POU5F1: variants seen among roughly 807,000 people sequenced by gnomAD.
The protein encoded by POU5F1 is POU class 5 homeobox 1.
A neutral mutation model predicts 38.3 loss-of-function variants in POU5F1; 6 were observed. The observed-to-expected ratio is 0.16, with a 90% CI of 0.09 to 0.31. POU5F1 has a LOEUF of 0.31. Among genes scored for constraint, POU5F1 ranks in the 10% least tolerant of loss-of-function variants. POU5F1 has a pLI of 1.00. For missense variants in POU5F1, 286 were observed against 462.6 expected, an observed-to-expected ratio of 0.62 and a Z score of 3.50; for synonymous variants, 147 against 194.9, an observed-to-expected ratio of 0.75 and a Z score of 2.05.
chr6:31,169,080 G>A (rs754083623), intron 1 of POU5F1, among the ~76,000 whole-genome samples: 2 of 152,098 alleles, frequency 1.3e-5, no homozygotes, highest in Non-Finnish European at 2.9e-5. Flanking sequence ...TCTGTTTTGG[G>A]GTTTTGGAAT....
chr6:31,166,125 A>G, intron 1 of POU5F1, 78 bp from the exon 2 acceptor site: 1 of 1,614,130 alleles, frequency 6.2e-7, no homozygotes, highest in Non-Finnish European at 8.5e-7. Flanking sequence ...TCGGGATTCA[A>G]GAACCTACGT....
At chr6:31,167,393 A>AAAAT (rs1384197354) in intron 1 of POU5F1, among the ~76,000 whole-genome samples, 56 of 151,284 alleles carry the variant, frequency 3.7e-4, no homozygotes, top group African/African-American at 1.3e-3. Flanking sequence ...CTCTATTTAA[A>AAAAT]ATATATATAT....
At position 31,165,553 on chromosome 6, in the gene POU5F1, T is replaced by TCC. The variant is rs1307650638; in HGVS notation, c.657+16_657+17dup. 2 of 1,612,922 alleles carry TCC rather than the reference T, an allele frequency of 1.2e-6. No individual in the cohort carries two copies. Among genetic ancestry groups the TCC allele is most frequent in the Non-Finnish European group, 1.7e-6 (2 of 1,179,988 alleles). On this transcript the variant is annotated intron_variant, in intron 3 of 4. Coordinates refer to ENST00000259915, the MANE Select transcript of POU5F1 (RefSeq NM_002701.6). The surrounding 1 kb of genome is among the most constrained non-coding windows in gnomAD (Gnocchi z 6.5). ...CCAAGAAAGGGAAGGTCCCCGGGTATCCCCCTCCCACCCTTACCTCCTGAA... is the reference window on the plus strand; with the variant it reads ...CCAAGAAAGGGAAGGTCCCCGGGTATCCCCCCCTCCCACCCTTACCTCCTGAA...
At position 31,165,023 on chromosome 6, in the gene POU5F1, T is replaced by C; in HGVS notation, c.816+105A>G. ...GACAGGCCTGACTGCTTGGACATTC[T>C]GTCCAAAGCCAACAGCCCTAGAGCA... On this transcript the variant is annotated intron_variant, in intron 4 of 4. Coordinates refer to ENST00000259915, the MANE Select transcript of POU5F1 (RefSeq NM_002701.6). This position sits in a 1 kb window ranked among gnomAD's most constrained non-coding sequence, Gnocchi z 6.5. 1 of 1,551,876 alleles carries C rather than the reference T, an allele frequency of 6.4e-7. No homozygotes were observed. The highest frequency in any genetic ancestry group is 8.7e-7 in the Non-Finnish European group (1 of 1,146,416).
chr6:31,166,775 T>C (rs1777293504), intron 1 of POU5F1: 4 of 1,189,728 alleles, frequency 3.4e-6, no homozygotes, highest in Non-Finnish European at 4.2e-6. Context: ...TGCTAAGTTC[T>C]GGGTTAATTA....
Position 31,165,456 on chromosome 6 carries a change from T to G in POU5F1, c.657+115A>C, listed in dbSNP as rs1207242740. On this transcript the variant is annotated intron_variant, in intron 3 of 4. Coordinates refer to ENST00000259915, the MANE Select transcript of POU5F1 (RefSeq NM_002701.6). The surrounding 1 kb of genome is among the most constrained non-coding windows in gnomAD (Gnocchi z 6.5). The stretch of plus-strand genomic sequence containing the variant: ...TCCCAGCAGAACTGAGGAATTTCAC[T>G]CCATCCCACTGAGAACCACTGCACC... The G allele has an allele frequency of 3.2e-6, 5 of 1,583,776 alleles. No individual in the cohort carries two copies. The highest frequency in any genetic ancestry group is 4.3e-6 in the Non-Finnish European group (5 of 1,164,346).
intron 4 of POU5F1, 128 bp from the exon 5 acceptor site, chr6:31,164,995 T>A: frequency 6.5e-7 from 1 of 1,547,602 alleles, no homozygotes; most frequent in South Asian, 1.2e-5. Flanking sequence ...GAGAATGAGC[T>A]GAGACAGGCC....
rs141270342 is a variant in POU5F1 at position 31,166,944 on chromosome 6, A to ACTT, written c.406-898_406-897insAAG. ...TGGATAAAGTGCTTTGTGTGTACTT[A>ACTT]CTCATTTTTTAAATTGATTATCCCT... On this transcript the variant is annotated intron_variant, in intron 1 of 4. Transcript: ENST00000259915. The ACTT allele has an allele frequency of 4.5e-3, 5,034 of 1,110,290 alleles. 79 individuals carry two copies. The highest frequency in any genetic ancestry group is 0.03 in the South Asian group (2,235 of 73,968). The allele number at this position is 1,110,290 out of a possible 1,614,324, so 68.8% of individuals were successfully genotyped here. A position where few individuals can be genotyped will look rare whatever the true frequency, so the allele number is the denominator to read the frequency against.
chr6:31,165,895 G>T lies in POU5F1; in HGVS notation c.526+32C>A. The T allele has an allele frequency of 6.2e-7, 1 of 1,613,478 alleles. No homozygotes were observed. Among genetic ancestry groups the T allele is most frequent in the African/African-American group, 1.3e-5 (1 of 75,002 alleles). On this transcript the variant is annotated intron_variant, in intron 2 of 4. Transcript: ENST00000259915. The surrounding 1 kb of genome is among the most constrained non-coding windows in gnomAD (Gnocchi z 6.5). ...GTTCAGGGATACTCCTTAGAGGGGA[G>T]ATGCGGTCAGAATCTGCAGAGGGGA...
chr6:31,164,998 G>A (rs1445651290), intron 4 of POU5F1, 130 bp downstream of exon 4: 66 of 1,546,822 alleles, frequency 4.3e-5, no homozygotes, highest in Non-Finnish European at 5.4e-5. Flanking sequence ...AATGAGCTGA[G>A]ACAGGCCTGA....
At position 31,165,333 on chromosome 6, in the gene POU5F1, G is replaced by A. The variant is rs1462313793; in HGVS notation, c.658-47C>T. 1.3e-6 allele frequency: 2 copies of A among 1,594,146 alleles called. No homozygotes were observed. The highest frequency in any genetic ancestry group is 1.7e-6 in the Non-Finnish European group (2 of 1,169,316). ...GACAAGGGCAAGCTTTGGACTTGCT[G>A]AGTAACAGCATCACAGGGGTCTGTG... On this transcript the variant is annotated intron_variant, in intron 3 of 4. Coordinates refer to ENST00000259915, the MANE Select transcript of POU5F1 (RefSeq NM_002701.6). The surrounding 1 kb of genome is among the most constrained non-coding windows in gnomAD (Gnocchi z 6.5).
intron 1 of POU5F1, among the ~76,000 whole-genome samples, chr6:31,168,025 C>G (rs1777403815): frequency 6.6e-6 from 1 of 152,164 alleles, no homozygotes; most frequent in African/African-American, 2.4e-5. Flanking sequence ...TCACTGCAAT[C>G]TCCGCCTTCT....
chr6:31,165,222 A>T lies in POU5F1; in HGVS notation c.722T>A (p.Val241Glu), dbSNP rs1471859282. Residue 241 changes from valine to glutamate, a missense_variant, in exon 4 of 5, where the codon GTG (valine) becomes GAG (glutamate). Physicochemically the swap from Val to Glu is moderately radical, Grantham distance 121. Coordinates refer to ENST00000259915, the MANE Select transcript of POU5F1 (RefSeq NM_002701.6). This position sits in a 1 kb window ranked among gnomAD's most constrained non-coding sequence, Gnocchi z 6.5. ...GAACAAATTCTCCAGGTTGCCTCTC[A>T]CTCGGTTCTCGATACTGGTTCGCTT... ...KRKRTSIENR[V>E]RGNLENLFLQ... is the part of the protein sequence containing the mutation. 6.2e-7 allele frequency: 1 copy of T among 1,610,798 alleles called. No individual in the cohort carries two copies. The highest frequency in any genetic ancestry group is 1.7e-5 in the Admixed American group (1 of 59,800).
chr6:31,168,673 G>T (rs202144181), intron 1 of POU5F1, among the ~76,000 whole-genome samples: 2 of 152,312 alleles, frequency 1.3e-5, no homozygotes, highest in East Asian at 3.9e-4. Flanking sequence ...TAGGATGTAG[G>T]ACATGAAAGA....
At position 31,165,643 on chromosome 6, in the gene POU5F1, C is replaced by G; in HGVS notation, c.585G>C (p.Lys195Asn). The change falls in exon 3 of 5, where the codon AAG (lysine) becomes AAC (asparagine). Residue 195 changes from lysine (K) to asparagine (N), a missense_variant. By Grantham distance (94) the Lys-to-Asn change is moderately conservative. Coordinates refer to ENST00000259915, the MANE Select transcript of POU5F1 (RefSeq NM_002701.6). This position sits in a 1 kb window ranked among gnomAD's most constrained non-coding sequence, Gnocchi z 6.5. ...GCAAGGGCCGCAGCTTACACATGTT[C>G]TTGAAGCTAAGCTGCAGAGCCTCAA... Reference protein sequence around the residue: ...CRFEALQLSFKNMCKLRPLLQ... With the variant: ...CRFEALQLSFNNMCKLRPLLQ... 1.9e-6 allele frequency: 3 copies of G among 1,614,066 alleles called. No homozygotes were observed. Among genetic ancestry groups the G allele is most frequent in the Non-Finnish European group, 2.5e-6 (3 of 1,179,998 alleles).
Position 31,166,028 on chromosome 6 carries a change from A to G in POU5F1, c.425T>C (p.Leu142Pro), listed in dbSNP as rs137936040. ...GGCAAATTGCTCGAGTTCTTTCTGCAGAGCTTTGATGTCCTGGGACTGGAT... is the reference window on the plus strand; with the variant it reads ...GGCAAATTGCTCGAGTTCTTTCTGCGGAGCTTTGATGTCCTGGGACTGGAT... Reference protein sequence around the residue: ...NPEESQDIKALQKELEQFAKL... With the variant: ...NPEESQDIKAPQKELEQFAKL... Residue 142 changes from leucine to proline, a missense_variant, in exon 2 of 5, where the codon CTG becomes CCG. Leu to Pro is a moderately conservative substitution (Grantham distance 98). Transcript: ENST00000259915. The G allele has an allele frequency of 6.2e-7, 1 of 1,614,106 alleles. No homozygotes were observed. Among genetic ancestry groups the G allele is most frequent in the Non-Finnish European group, 8.5e-7 (1 of 1,180,050 alleles).
chr6:31,164,471 C>A lies in POU5F1; in HGVS notation c.*130G>T. ...GTTGCCCCAAACTCCCCTGCCCCCA[C>A]CCTTTGTGTTCCCAATTCCTTCCTT... On this transcript the variant is annotated 3_prime_UTR_variant, in exon 5 of 5. Transcript: ENST00000259915. 1 of 1,298,550 alleles carries A rather than the reference C, an allele frequency of 7.7e-7. No individual in the cohort carries two copies. The highest frequency in any genetic ancestry group is 1.1e-6 in the Non-Finnish European group (1 of 939,212). 80.4% of individuals were successfully genotyped at this position (1,298,550 alleles called of 1,614,324 possible).
intron 1 of POU5F1, among the ~76,000 whole-genome samples, chr6:31,168,734 G>A (rs1205342185): frequency 6.6e-6 from 1 of 152,180 alleles, no homozygotes; most frequent in East Asian, 1.9e-4. Flanking sequence ...TCAGGGTGGA[G>A]CAGTTCAGGG....
Position 31,165,543 on chromosome 6 carries a change from T to C in POU5F1, c.657+28A>G. ...GGAAATTAGGCCAAGAAAGGGAAGG[T>C]CCCCGGGTATCCCCCTCCCACCCTT... On this transcript the variant is annotated intron_variant, in intron 3 of 4. Transcript: ENST00000259915. This position sits in a 1 kb window ranked among gnomAD's most constrained non-coding sequence, Gnocchi z 6.5. The C allele has an allele frequency of 6.2e-7, 1 of 1,612,424 alleles. No homozygotes were observed.
Sources: gnomAD v4.1 joint callset for allele counts (sites outside exome capture counted in the v4.1 genomes callset) on GRCh38, gnomAD v4.1.1 for gene constraint, Gnocchi (gnomAD v3.1) non-coding constraint, MANE v1.5 for transcripts, NCBI Gene and HGNC (gene_info 2026-07-23, HGNC 2026-07-21) for gene names.